CADM2: variants seen among roughly 807,000 people sequenced by gnomAD.
CADM2 encodes immunoglobulin superfamily member 4D.
In CADM2, 12 loss-of-function variants were observed where a neutral mutation model predicts 49.8. That is an observed-to-expected ratio of 0.24 (90% CI 0.15 to 0.39). The LOEUF is 0.39. CADM2 is among the 10% of genes least tolerant of loss of function. The pLI is 1.00. For missense variants in CADM2, 378 were observed against 492.3 expected (o/e 0.77, Z 2.20); for synonymous variants, 214 against 175.4 (o/e 1.22, Z -1.74).
chr3:85,009,865 CAATAAATA>C (rs34806351), intron 1 of CADM2, among the ~76,000 whole-genome samples: 15,775 of 140,572 alleles, frequency 0.11, 1,201 homozygotes, highest in Admixed American at 0.24. Context: ...GATTCTATCT[CAATAAATA>C]AATAAATAAA....
At chr3:85,189,964 T>A (rs1231255313) in intron 1 of CADM2, among the ~76,000 whole-genome samples, 1 of 149,546 alleles carries the variant, frequency 6.7e-6, no homozygotes, top group Non-Finnish European at 1.5e-5. Flanking sequence ...TTTTTTTTTT[T>A]TTTTTTTTTT....
chr3:85,633,756 A>G (rs1046408391), intron 1 of CADM2, among the ~76,000 whole-genome samples: 9 of 152,210 alleles, frequency 5.9e-5, no homozygotes, highest in South Asian at 2.1e-4. Context: ...AAAAGTAACA[A>G]ATAAAATATT....
intron 1 of CADM2, among the ~76,000 whole-genome samples, chr3:85,429,428 C>T (rs1259943346): frequency 6.6e-6 from 1 of 152,020 alleles, no homozygotes; most frequent in African/African-American, 2.4e-5. Flanking sequence ...TATGAGCAAT[C>T]AACTGGTATA....
intron 1 of CADM2, among the ~76,000 whole-genome samples, chr3:85,301,099 C>T (rs1312305865): frequency 6.6e-6 from 1 of 152,010 alleles, no homozygotes; most frequent in Non-Finnish European, 1.5e-5. Context: ...ATACAAACGA[C>T]ATTATATGCA....
At chr3:85,278,197 A>T (rs1365045120) in intron 1 of CADM2, among the ~76,000 whole-genome samples, 1 of 151,314 alleles carries the variant, frequency 6.6e-6, no homozygotes, top group Non-Finnish European at 1.5e-5. Flanking sequence ...ACTAAAGATA[A>T]ATTTATTATT....
At chr3:85,834,991 T>C (rs1194610983) in intron 3 of CADM2, among the ~76,000 whole-genome samples, 1 of 151,658 alleles carries the variant, frequency 6.6e-6, no homozygotes, top group Non-Finnish European at 1.5e-5. Context: ...TATGTGAGTG[T>C]GCTTGCACAC....
intron 1 of CADM2, among the ~76,000 whole-genome samples, chr3:85,376,297 A>G (rs2033590568): frequency 1.3e-5 from 2 of 152,082 alleles, no homozygotes; most frequent in African/African-American, 4.8e-5. Context: ...AATACTGCAA[A>G]TTTTTAATAC....
At chr3:86,047,129 G>A (rs1360959336) in intron 8 of CADM2, among the ~76,000 whole-genome samples, 3 of 151,936 alleles carry the variant, frequency 2.0e-5, no homozygotes, top group Non-Finnish European at 4.4e-5. Flanking sequence ...CACGATTGTC[G>A]TTTAGTAAAA....
intron 1 of CADM2, among the ~76,000 whole-genome samples, chr3:85,061,753 G>C (rs2036325742): frequency 6.6e-6 from 1 of 152,064 alleles, no homozygotes; most frequent in Admixed American, 6.6e-5. Flanking sequence ...CATATAATGT[G>C]AGTAAAATAC....
intron 1 of CADM2, among the ~76,000 whole-genome samples, chr3:85,203,250 T>A (rs1375075368): frequency 6.6e-6 from 1 of 152,198 alleles, no homozygotes; most frequent in East Asian, 1.9e-4. Context: ...AGCTGAATCA[T>A]TTCCAGCTTT....
At chr3:86,050,051 G>C (rs144614592) in intron 8 of CADM2, among the ~76,000 whole-genome samples, 1 of 152,016 alleles carries the variant, frequency 6.6e-6, no homozygotes, top group Non-Finnish European at 1.5e-5. Flanking sequence ...TCTCATCTGG[G>C]ACTAGGCAAG....
At chr3:85,211,298 C>A (rs1290386934) in intron 1 of CADM2, among the ~76,000 whole-genome samples, 1 of 151,886 alleles carries the variant, frequency 6.6e-6, no homozygotes, top group African/African-American at 2.4e-5. Flanking sequence ...TCATTTATTA[C>A]TGCTCTGATC....
At chr3:85,760,638 C>T (rs2069329134) in intron 2 of CADM2, among the ~76,000 whole-genome samples, 1 of 152,016 alleles carries the variant, frequency 6.6e-6, no homozygotes, top group African/African-American at 2.4e-5. Context: ...AGGAAATATG[C>T]CTTCTCTATA....
intron 1 of CADM2, among the ~76,000 whole-genome samples, chr3:85,048,533 G>A (rs1484386135): frequency 6.6e-6 from 1 of 152,118 alleles, no homozygotes; most frequent in Non-Finnish European, 1.5e-5. Context: ...TTCAGGAGAA[G>A]TCAGTTTGAT....
At chr3:85,528,387 A>G (rs1449389) in intron 1 of CADM2, among the ~76,000 whole-genome samples, 78,124 of 152,050 alleles carry the variant, frequency 0.51, 23,114 homozygotes, top group East Asian at 0.85. Context: ...TAGTTTAGTA[A>G]CTATGACTTC....
intron 2 of CADM2, among the ~76,000 whole-genome samples, chr3:85,766,951 C>CACTTTT (rs1419388495): frequency 6.6e-6 from 1 of 152,102 alleles, no homozygotes; most frequent in Non-Finnish European, 1.5e-5. Flanking sequence ...TTTTTGCCAT[C>CACTTTT]ACTTTTTGTC....
chr3:85,942,423 C>T (rs374114513), intron 7 of CADM2, among the ~76,000 whole-genome samples: 65 of 151,718 alleles, frequency 4.3e-4, no homozygotes, highest in African/African-American at 1.3e-3. Flanking sequence ...CATGCTGGTG[C>T]GCTGCACCCA....
chr3:85,603,556 C>G (rs2063474697), intron 1 of CADM2, among the ~76,000 whole-genome samples: 1 of 151,440 alleles, frequency 6.6e-6, no homozygotes, highest in South Asian at 2.1e-4. Flanking sequence ...CTTTTTTTTC[C>G]CCAGGGGAAA....
At chr3:85,366,408 A>G (rs1208858224) in intron 1 of CADM2, among the ~76,000 whole-genome samples, 2 of 152,192 alleles carry the variant, frequency 1.3e-5, no homozygotes, top group Non-Finnish European at 2.9e-5. Context: ...TCACTGTCAG[A>G]AGCAGTTGTA....
Sources: gnomAD v4.1 joint callset for allele counts (sites outside exome capture counted in the v4.1 genomes callset) on GRCh38, gnomAD v4.1.1 for gene constraint, MANE v1.5 for transcripts, NCBI Gene and HGNC (gene_info 2026-07-23, HGNC 2026-07-21) for gene names.